Variants in GRIK2 observed in about 807,000 individuals in gnomAD.
The protein encoded by GRIK2 is glutamate ionotropic receptor kainate type subunit 2.
Under a neutral mutation model 100.3 loss-of-function variants are expected in GRIK2, and 32 were observed. The ratio of observed to expected loss-of-function variants is 0.32; its 90% confidence interval spans 0.24 to 0.43. GRIK2 has a LOEUF of 0.43. Ranked by LOEUF, GRIK2 falls within the 20% of genes least tolerant of loss-of-function variation. The probability of loss-of-function intolerance (pLI) is 1.00; values close to 1 mark genes in which losing one functional copy is unlikely to be tolerated. For synonymous variants in GRIK2, 417 were observed against 389.4 expected (o/e 1.07, Z -0.83); for missense variants, 843 against 1,114.9 (o/e 0.76, Z 3.47).
chr6:101,888,161 A>G (rs1206411917), intron 11 of GRIK2, among the ~76,000 whole-genome samples: 1 of 152,126 alleles, frequency 6.6e-6, no homozygotes, highest in Non-Finnish European at 1.5e-5. Context: ...GAATGAATGA[A>G]TGACTCTTCT....
At chr6:101,742,950 G>T (rs1291780479) in intron 7 of GRIK2, among the ~76,000 whole-genome samples, 1 of 152,188 alleles carries the variant, frequency 6.6e-6, no homozygotes, top group Admixed American at 6.5e-5. Flanking sequence ...CATTCACATG[G>T]TTGACAGGGG....
chr6:101,507,973 A>C (rs1170772342), intron 2 of GRIK2, among the ~76,000 whole-genome samples: 2 of 152,238 alleles, frequency 1.3e-5, no homozygotes, highest in East Asian at 3.9e-4. Context: ...GAAGACAATA[A>C]TTTTCTGCCT....
At chr6:101,511,777 A>T (rs937571779) in intron 2 of GRIK2, among the ~76,000 whole-genome samples, 3 of 151,924 alleles carry the variant, frequency 2.0e-5, no homozygotes, top group African/African-American at 4.8e-5. Flanking sequence ...ATCATATATG[A>T]TTTGTTTTTA....
intron 4 of GRIK2, among the ~76,000 whole-genome samples, chr6:101,631,198 G>A (rs1455983178): frequency 1.3e-5 from 2 of 152,100 alleles, no homozygotes; most frequent in Admixed American, 6.6e-5. Context: ...ACAAAGCTGT[G>A]TTTCTGTCAG....
chr6:101,606,995 G>A (rs1270049399), intron 2 of GRIK2, among the ~76,000 whole-genome samples: 1 of 151,908 alleles, frequency 6.6e-6, no homozygotes, highest in African/African-American at 2.4e-5. Flanking sequence ...CTCAAATTAG[G>A]AATATGAGAT....
chr6:101,978,206 G>C (rs1199136391), intron 14 of GRIK2, among the ~76,000 whole-genome samples: 1 of 152,038 alleles, frequency 6.6e-6, no homozygotes, highest in East Asian at 1.9e-4. Flanking sequence ...TGGGTTAAAA[G>C]TCTGTATATC....
At chr6:101,496,985 A>G (rs955890515) in intron 2 of GRIK2, among the ~76,000 whole-genome samples, 1 of 152,194 alleles carries the variant, frequency 6.6e-6, no homozygotes, top group Non-Finnish European at 1.5e-5. Context: ...AAAGATATAC[A>G]ACTTTCAAGA....
At chr6:101,875,433 G>T (rs1785757087) in intron 11 of GRIK2, among the ~76,000 whole-genome samples, 1 of 151,606 alleles carries the variant, frequency 6.6e-6, no homozygotes, top group African/African-American at 2.4e-5. Context: ...ATTTTGCTTG[G>T]TAGACCATCA....
chr6:102,041,791 T>C (rs894526958), intron 15 of GRIK2, among the ~76,000 whole-genome samples: 5 of 138,636 alleles, frequency 3.6e-5, no homozygotes, highest in African/African-American at 1.3e-4. Context: ...TACGAGGTTT[T>C]AGAAAATTAA....
chr6:101,914,137 A>G (rs963637806), intron 12 of GRIK2, among the ~76,000 whole-genome samples: 22 of 151,426 alleles, frequency 1.5e-4, no homozygotes, highest in African/African-American at 4.8e-4. Flanking sequence ...GGAAAGGCAA[A>G]TTCAGGAATT....
At chr6:101,581,851 A>G (rs1389521612) in intron 2 of GRIK2, among the ~76,000 whole-genome samples, 1 of 152,046 alleles carries the variant, frequency 6.6e-6, no homozygotes, top group Non-Finnish European at 1.5e-5. Context: ...ACACCTAAAA[A>G]TGGGCCCTGA....
chr6:101,401,385 C>T (rs1582364785), intron 2 of GRIK2, among the ~76,000 whole-genome samples: 3 of 152,130 alleles, frequency 2.0e-5, no homozygotes, highest in South Asian at 2.1e-4. Context: ...CTCACACACA[C>T]GCACACACAC....
chr6:101,447,185 G>T (rs1770429638), intron 2 of GRIK2, among the ~76,000 whole-genome samples: 1 of 151,356 alleles, frequency 6.6e-6, no homozygotes, highest in Non-Finnish European at 1.5e-5. Flanking sequence ...AAAAGGCCAA[G>T]AATCTTAGAA....
At chr6:101,873,452 T>C (rs1205871160) in intron 11 of GRIK2, among the ~76,000 whole-genome samples, 1 of 151,996 alleles carries the variant, frequency 6.6e-6, no homozygotes, top group Non-Finnish European at 1.5e-5. Flanking sequence ...TGCATAGTAT[T>C]CCATGGTGTA....
intron 11 of GRIK2, among the ~76,000 whole-genome samples, chr6:101,882,562 T>G (rs968048801): frequency 1.3e-5 from 2 of 148,802 alleles, no homozygotes; most frequent in African/African-American, 4.9e-5. Context: ...ATCTATTACT[T>G]TTTTTTTTTA....
At chr6:101,424,393 C>T (rs1218189102) in intron 2 of GRIK2, among the ~76,000 whole-genome samples, 1 of 145,636 alleles carries the variant, frequency 6.9e-6, no homozygotes. Context: ...TTGTTCAATT[C>T]CCACCTATGA....
At chr6:101,917,775 GA>G (rs1337743591) in intron 12 of GRIK2, among the ~76,000 whole-genome samples, 2 of 150,768 alleles carry the variant, frequency 1.3e-5, no homozygotes, top group Non-Finnish European at 3.0e-5. Flanking sequence ...ATCAAATTTT[GA>G]ATTTTTAAAT....
chr6:101,965,929 A>T (rs1467266436), intron 14 of GRIK2, among the ~76,000 whole-genome samples: 1 of 152,146 alleles, frequency 6.6e-6, no homozygotes, highest in Non-Finnish European at 1.5e-5. Flanking sequence ...ATAATCTATT[A>T]TTCTTTTTAT....
At chr6:101,838,786 G>A (rs1432235522) in intron 10 of GRIK2, among the ~76,000 whole-genome samples, 6 of 151,614 alleles carry the variant, frequency 4.0e-5, no homozygotes, top group African/African-American at 1.5e-4. Context: ...CAAGTAGCTG[G>A]GATTACAGCT....
Sources: allele counts gnomAD v4.1 joint callset (sites outside exome capture counted in the v4.1 genomes callset), GRCh38; gene constraint gnomAD v4.1.1; transcripts MANE v1.5; gene names NCBI Gene and HGNC (gene_info 2026-07-23, HGNC 2026-07-21).